PDILT: variants seen among roughly 807,000 people sequenced by gnomAD.
The protein encoded by PDILT is protein disulfide-isomerase-like protein of the testis.
PDILT carries 43 observed loss-of-function variants against 53.7 expected under a neutral mutation model. The observed-to-expected ratio is 0.80, with a 90% CI of 0.63 to 1.03. The LOEUF (loss-of-function observed/expected upper bound fraction) is 1.03, where lower values mean the gene tolerates loss of function less well. Among genes scored for constraint, PDILT ranks in the 50% least tolerant of loss-of-function variants. The probability of loss-of-function intolerance (pLI) is 0.00; values close to 1 mark genes in which losing one functional copy is unlikely to be tolerated. For missense variants in PDILT, 727 were observed against 712.3 expected (o/e 1.02, Z -0.24); for synonymous variants, 282 against 274.2 (o/e 1.03, Z -0.28).
At chr16:20,400,072 A>ATATATATATTTT (rs753235349) in intron 1 of PDILT, among the ~76,000 whole-genome samples, 3 of 137,428 alleles carry the variant, frequency 2.2e-5, no homozygotes, top group African/African-American at 5.8e-5. Context: ...ATATATATAT[A>ATATATATATTTT]TTTTTTGAGA....
chr16:20,370,578 A>C (rs975568660), intron 7 of PDILT, among the ~76,000 whole-genome samples: 6 of 152,220 alleles, frequency 3.9e-5, no homozygotes, highest in African/African-American at 1.4e-4. Context: ...ATAGAAAAGA[A>C]AAGTCAGTGT....
chr16:20,360,787 C>G lies in PDILT; in HGVS notation c.1417-130G>C, dbSNP rs1186586556. ...GTATGTTATGCAGGTTCCCTAACCT[C>G]TCTTAGCCTCCAGTGCCATGGTTCC... is the stretch of plus-strand genomic sequence containing the variant. On this transcript the variant is annotated intron_variant, in intron 10 of 11. Coordinates refer to ENST00000302451, the MANE Select transcript of PDILT (RefSeq NM_174924.2). 3.9e-5 allele frequency: 26 copies of G among 671,718 alleles called. 1 individual carries two copies. In the Admixed American group the frequency reaches 6.0e-4, roughly 16 times the overall value. The allele number at this position is 671,718 out of a possible 1,614,324, so 41.6% of individuals were successfully genotyped here.
chr16:20,359,643 T>A, intron 11 of PDILT, 76 bp from the exon 12 acceptor site: 1 of 1,418,766 alleles, frequency 7.0e-7, no homozygotes, highest in East Asian at 2.3e-5. Context: ...AAGAAATATG[T>A]CATCATTGTG....
At chr16:20,379,504 G>C (rs1259791489) in intron 3 of PDILT, among the ~76,000 whole-genome samples, 2 of 152,124 alleles carry the variant, frequency 1.3e-5, no homozygotes, top group Non-Finnish European at 1.5e-5. Context: ...TAGTAGAGAC[G>C]AGGTTTTGCT....
intron 8 of PDILT, 108 bp downstream of exon 8, chr16:20,369,383 CT>C: frequency 1.6e-6 from 2 of 1,267,192 alleles, no homozygotes; most frequent in Non-Finnish European, 2.3e-6. Flanking sequence ...CAAAGTTGAT[CT>C]TTATTCTGCC....
At chr16:20,376,917 G>A (rs1175927692) in intron 3 of PDILT, among the ~76,000 whole-genome samples, 2 of 152,200 alleles carry the variant, frequency 1.3e-5, no homozygotes, top group Admixed American at 6.5e-5. Flanking sequence ...AGGATTATCA[G>A]TTTCACATGA....
At chr16:20,403,188 C>A (rs1966766076) in intron 1 of PDILT, among the ~76,000 whole-genome samples, 1 of 152,192 alleles carries the variant, frequency 6.6e-6, no homozygotes, top group African/African-American at 2.4e-5. Flanking sequence ...TGGTTTCCCG[C>A]CAAGAGGGTG....
chr16:20,376,003 A>G, intron 4 of PDILT, 65 bp downstream of exon 4: 1 of 1,586,136 alleles, frequency 6.3e-7, no homozygotes, highest in Non-Finnish European at 8.6e-7. Context: ...TCCTCACACC[A>G]CCCCCTCCCA....
intron 2 of PDILT, among the ~76,000 whole-genome samples, chr16:20,394,965 C>T (rs28558428): frequency 0.14 from 20,787 of 152,180 alleles, 1,777 homozygotes; most frequent in African/African-American, 0.24. Flanking sequence ...TTAGCTTTCC[C>T]AGTAAACACA....
chr16:20,389,089 C>T (rs1255575163), intron 2 of PDILT, among the ~76,000 whole-genome samples: 2 of 152,082 alleles, frequency 1.3e-5, no homozygotes, highest in Non-Finnish European at 2.9e-5. Flanking sequence ...TGTATATTGG[C>T]ACTTAGGCTG....
intron 2 of PDILT, among the ~76,000 whole-genome samples, chr16:20,386,407 C>T (rs1966538511): frequency 6.6e-6 from 1 of 152,132 alleles, no homozygotes; most frequent in African/African-American, 2.4e-5. Flanking sequence ...TTTTCACTGC[C>T]GCCCACCCCC....
At chr16:20,369,441 AAGG>A (rs1474701926) in intron 8 of PDILT, 48 bp downstream of exon 8, 1 of 1,545,066 alleles carries the variant, frequency 6.5e-7, no homozygotes, top group Non-Finnish European at 8.9e-7. Flanking sequence ...GAATTATGAG[AAGG>A]AGATGATTTT....
intron 2 of PDILT, among the ~76,000 whole-genome samples, chr16:20,397,700 G>A (rs543646156): frequency 1.3e-5 from 2 of 152,164 alleles, no homozygotes; most frequent in Non-Finnish European, 2.9e-5. Context: ...CAACAGCCGC[G>A]AGGAGGAGCA....
At position 20,375,004 on chromosome 16, in the gene PDILT, G is replaced by T. The variant is rs1295693873; in HGVS notation, c.544-45C>A. The T allele has an allele frequency of 2.6e-6, 4 of 1,563,678 alleles. No homozygotes were observed. The South Asian group carries it at 3.5e-5, about 14-fold the overall frequency. On this transcript the variant is annotated intron_variant, in intron 4 of 11. Coordinates refer to ENST00000302451, the MANE Select transcript of PDILT (RefSeq NM_174924.2). The stretch of plus-strand genomic sequence containing the variant: ...TGGAAAGGCTTTGGTAGAAATCAAG[G>T]TGCCTGGTTTATATAAGGGAAAGAC...
intron 1 of PDILT, among the ~76,000 whole-genome samples, chr16:20,403,432 G>A (rs879452590): frequency 1.9e-4 from 29 of 152,226 alleles, no homozygotes; most frequent in Admixed American, 1.9e-3. Context: ...TGGGACTACA[G>A]GCACCCGCCA....
chr16:20,362,544 G>A lies in PDILT; in HGVS notation c.1276C>T (p.Leu426=). The A allele has an allele frequency of 6.2e-7, 1 of 1,614,102 alleles. No homozygotes were observed. Among genetic ancestry groups the A allele is most frequent in the Non-Finnish European group, 8.5e-7 (1 of 1,180,018 alleles). The change falls in exon 10 of 12, where the codon CTG becomes TTG. Residue 426 remains leucine, a synonymous_variant. Transcript: ENST00000302451. ...WSKKCKMLFP[L]LEELGRKYQN... Reference sequence around the variant, plus strand: ...TATTTTCTGCCCAATTCCTCCAACAGTGGGAACAGCATCTTGCACTTTTTA... The same window carrying A: ...TATTTTCTGCCCAATTCCTCCAACAATGGGAACAGCATCTTGCACTTTTTA...
chr16:20,394,903 A>G (rs1211411403), intron 2 of PDILT, among the ~76,000 whole-genome samples: 1 of 152,188 alleles, frequency 6.6e-6, no homozygotes, highest in Admixed American at 6.5e-5. Context: ...CCCACCTGGG[A>G]CTAAGATGAT....
intron 8 of PDILT, among the ~76,000 whole-genome samples, chr16:20,366,987 C>CT (rs1555489405): frequency 1.2e-5 from 1 of 82,992 alleles, no homozygotes; most frequent in African/African-American, 3.8e-5. Context: ...TTCCTTCCTT[C>CT]CTTTCTTTCT....
Position 20,362,425 on chromosome 16 carries a change from C to T in PDILT, c.1395G>A (p.Leu465=), listed in dbSNP as rs1399826028. 1.2e-5 allele frequency: 19 copies of T among 1,614,070 alleles called. No individual in the cohort carries two copies. Among genetic ancestry groups the T allele is most frequent in the Non-Finnish European group, 1.5e-5 (18 of 1,180,026 alleles). ...MYLDRYPFFR[L]FPSGSQQAVL... ...TCACTTGTTGAGAGCCGCTGGGGAA[C>T]AGCCTGAAGAATGGGTACCGGTCCA... The change falls in exon 10 of 12, where the codon CTG becomes CTA. Residue 465 remains leucine (L), a synonymous_variant. Coordinates refer to ENST00000302451, the MANE Select transcript of PDILT (RefSeq NM_174924.2).
Sources: allele counts gnomAD v4.1 joint callset (sites outside exome capture counted in the v4.1 genomes callset), GRCh38; gene constraint gnomAD v4.1.1; transcripts MANE v1.5; gene names NCBI Gene and HGNC (gene_info 2026-07-23, HGNC 2026-07-21).